Variants in SPINT2 observed in about 807,000 individuals in gnomAD.
The protein encoded by SPINT2 is kunitz-type protease inhibitor 2.
In SPINT2, 18 loss-of-function variants were observed where a neutral mutation model predicts 30.1. The observed-to-expected ratio is 0.60, with a 90% CI of 0.41 to 0.89. SPINT2 has a LOEUF of 0.89. Ranked by LOEUF, SPINT2 falls within the 40% of genes least tolerant of loss-of-function variation. SPINT2 has a pLI of 0.00. For missense variants in SPINT2, 276 were observed against 334.3 expected (o/e 0.83, Z 1.36); for synonymous variants, 139 against 137.9 (o/e 1.01, Z -0.05).
Position 38,290,905 on chromosome 19 carries a change from A to T in SPINT2, c.592+330A>T. Reference sequence around the variant, plus strand: ...TGGAGGGAGCGCTGCTATGTGGGGCATAAGAGTTGGTCACGGGTGACAGGA... The same window carrying T: ...TGGAGGGAGCGCTGCTATGTGGGGCTTAAGAGTTGGTCACGGGTGACAGGA... On this transcript the variant is annotated intron_variant, in intron 6 of 6. Transcript: ENST00000301244. This position sits in a 1 kb window ranked among gnomAD's most constrained non-coding sequence, Gnocchi z 4.3. 2.2e-6 allele frequency: 1 copy of T among 451,478 alleles called. No individual in the cohort carries two copies. Among genetic ancestry groups the T allele is most frequent in the Non-Finnish European group, 4.1e-6 (1 of 242,406 alleles). 28.0% of individuals were successfully genotyped at this position (451,478 alleles called of 1,614,324 possible).
At chr19:38,272,382 C>T (rs10048524) in intron 1 of SPINT2, among the ~76,000 whole-genome samples, 1 of 151,662 alleles carries the variant, frequency 6.6e-6, no homozygotes, top group African/African-American at 2.4e-5. Context: ...TTTTGTGGGG[C>T]GATTAGGAAA....
chr19:38,264,790 C>G lies in SPINT2; in HGVS notation c.-103C>G. On this transcript the variant is annotated 5_prime_UTR_variant, in exon 1 of 7. Transcript: ENST00000301244. ...CCCTCCCGGAGCGTCGGCACCTGAACGCGAGGCGCTCCATTGCGCGTGCGC... is the reference window on the plus strand; with the variant it reads ...CCCTCCCGGAGCGTCGGCACCTGAAGGCGAGGCGCTCCATTGCGCGTGCGC... The G allele has an allele frequency of 7.8e-7, 1 of 1,278,274 alleles. No homozygotes were observed. The highest frequency in any genetic ancestry group is 1.1e-6 in the Non-Finnish European group (1 of 924,588). 79.2% of individuals were successfully genotyped at this position (1,278,274 alleles called of 1,614,324 possible). A position where few individuals can be genotyped will look rare whatever the true frequency, so the allele number is the denominator to read the frequency against.
chr19:38,271,086 T>C (rs1968449456), intron 1 of SPINT2, among the ~76,000 whole-genome samples: 4 of 152,230 alleles, frequency 2.6e-5, no homozygotes, highest in African/African-American at 9.6e-5. Context: ...CTTTGGAGTT[T>C]ATTTACCTTT....
intron 1 of SPINT2, among the ~76,000 whole-genome samples, chr19:38,267,769 G>T (rs1015545793): frequency 6.6e-6 from 1 of 152,128 alleles, no homozygotes; most frequent in African/African-American, 2.4e-5. Flanking sequence ...GAGGTGGCAG[G>T]CCCGGAGCTA....
chr19:38,265,102 C>A, intron 1 of SPINT2, 104 bp downstream of exon 1: 1 of 954,940 alleles, frequency 1.0e-6, no homozygotes, highest in Non-Finnish European at 1.5e-6. Flanking sequence ...AAACTGGGGG[C>A]TACTTGATGG....
At chr19:38,273,517 A>C (rs1968480439) in intron 1 of SPINT2, among the ~76,000 whole-genome samples, 1 of 152,216 alleles carries the variant, frequency 6.6e-6, no homozygotes, top group Non-Finnish European at 1.5e-5. Context: ...TCTTTTTAAG[A>C]TGCTCTCATT....
intron 6 of SPINT2, 163 bp from the exon 7 acceptor site, chr19:38,291,677 G>T: frequency 1.2e-6 from 1 of 811,894 alleles, no homozygotes. Flanking sequence ...ATCTCTGGCA[G>T]GCTGTGTCCT....
intron 3 of SPINT2, 23 bp downstream of exon 3, chr19:38,287,958 G>A (rs750333950): frequency 5.0e-6 from 8 of 1,613,480 alleles, no homozygotes; most frequent in African/African-American, 1.3e-5. Flanking sequence ...AGAGACCCGC[G>A]ATGGAGTGAG....
At chr19:38,281,077 C>T (rs1459241889) in intron 1 of SPINT2, among the ~76,000 whole-genome samples, 1 of 152,098 alleles carries the variant, frequency 6.6e-6, no homozygotes. Context: ...CTCTTCATCT[C>T]GTCTTGTTGG....
chr19:38,291,961 C>T lies in SPINT2; in HGVS notation c.714C>T (p.Ser238=), dbSNP rs767110606. The change falls in exon 7 of 7, where the codon TCC becomes TCT. Residue 238 remains serine (S), a synonymous_variant. Coordinates refer to ENST00000301244, the MANE Select transcript of SPINT2 (RefSeq NM_021102.4). The part of the protein sequence containing the change: ...QERALRTVWS[S]GDDKEQLVKN... The stretch of plus-strand genomic sequence containing the variant: ...GTGCCCTGCGCACCGTCTGGAGCTC[C>T]GGAGATGACAAGGAGCAGCTGGTGA... The T allele has an allele frequency of 5.0e-6, 8 of 1,613,968 alleles. No homozygotes were observed. The highest frequency in any genetic ancestry group is 3.3e-5 in the Admixed American group (2 of 59,970).
At chr19:38,271,547 T>G (rs924802001) in intron 1 of SPINT2, among the ~76,000 whole-genome samples, 2 of 139,402 alleles carry the variant, frequency 1.4e-5, no homozygotes, top group Non-Finnish European at 3.1e-5. Flanking sequence ...GACCACCACA[T>G]GTTTGGCCGG....
At chr19:38,279,921 T>C (rs954138793) in intron 1 of SPINT2, among the ~76,000 whole-genome samples, 3 of 152,230 alleles carry the variant, frequency 2.0e-5, no homozygotes, top group African/African-American at 7.2e-5. Context: ...CCCAAAGTGC[T>C]GGGATTACAG....
At position 38,283,787 on chromosome 19, in the gene SPINT2, C is replaced by T. The variant is rs773531361; in HGVS notation, c.267C>T (p.Ala89=). The T allele has an allele frequency of 2.5e-6, 4 of 1,612,526 alleles. No homozygotes were observed. The highest frequency in any genetic ancestry group is 3.4e-6 in the Non-Finnish European group (4 of 1,179,646). The change falls in exon 2 of 7, where the codon GCC becomes GCT. Residue 89 remains alanine, a synonymous_variant. Coordinates refer to ENST00000301244, the MANE Select transcript of SPINT2 (RefSeq NM_021102.4). ...AGGAGGAGTGCCTCAAGAAATGTGC[C>T]ACTGTCACAGGTGAGATGGCAGTAG... ...LTKEECLKKC[A]TVTENATGDL...
At chr19:38,291,335 C>G (rs1412031644) in intron 6 of SPINT2, 3 of 163,414 alleles carry the variant, frequency 1.8e-5, no homozygotes, top group Non-Finnish European at 4.0e-5. Flanking sequence ...AATTTGCTGG[C>G]ACAGCTCTGA....
chr19:38,274,829 A>C (rs1327896930), intron 1 of SPINT2, among the ~76,000 whole-genome samples: 1 of 151,404 alleles, frequency 6.6e-6, no homozygotes, highest in African/African-American at 2.4e-5. Context: ...AAAAAAAAAC[A>C]TAAAATGGAG....
At chr19:38,278,209 C>T (rs544382850) in intron 1 of SPINT2, among the ~76,000 whole-genome samples, 2 of 152,264 alleles carry the variant, frequency 1.3e-5, no homozygotes, top group African/African-American at 4.8e-5. Context: ...GAGGGCCTGG[C>T]CTTTGTGAGC....
chr19:38,283,785 G>T lies in SPINT2; in HGVS notation c.265G>T (p.Ala89Ser). Residue 89 changes from alanine to serine, a missense_variant, in exon 2 of 7, where the codon GCC becomes TCC. Ala to Ser is a moderately conservative substitution (Grantham distance 99). Transcript: ENST00000301244. ...LTKEECLKKC[A>S]TVTENATGDL... is the part of the protein sequence containing the mutation. ...CAAGGAGGAGTGCCTCAAGAAATGTGCCACTGTCACAGGTGAGATGGCAGT... is the reference window on the plus strand; with the variant it reads ...CAAGGAGGAGTGCCTCAAGAAATGTTCCACTGTCACAGGTGAGATGGCAGT... 1 of 1,612,006 alleles carries T rather than the reference G, an allele frequency of 6.2e-7. No individual in the cohort carries two copies. The highest frequency in any genetic ancestry group is 1.7e-5 in the Admixed American group (1 of 59,778).
chr19:38,268,758 C>T (rs892669147), intron 1 of SPINT2, among the ~76,000 whole-genome samples: 20 of 139,640 alleles, frequency 1.4e-4, no homozygotes, highest in Admixed American at 9.3e-4. Flanking sequence ...AGAGAGCATG[C>T]GCGCGCGCGT....
intron 1 of SPINT2, among the ~76,000 whole-genome samples, chr19:38,282,175 T>C (rs1968587853): frequency 6.6e-6 from 1 of 152,242 alleles, no homozygotes; most frequent in Non-Finnish European, 1.5e-5. Flanking sequence ...TCTGGTTTCA[T>C]GCCCATCACT....
Sources: gnomAD v4.1 joint callset for allele counts (sites outside exome capture counted in the v4.1 genomes callset) on GRCh38, gnomAD v4.1.1 for gene constraint, Gnocchi (gnomAD v3.1) non-coding constraint, MANE v1.5 for transcripts, NCBI Gene and HGNC (gene_info 2026-07-23, HGNC 2026-07-21) for gene names.